The following CYP3A7 variants were observed in gnomAD, a reference collection of about 807,000 sequenced individuals.
CYP3A7 encodes cytochrome P450 family 3 subfamily A member 7.
A neutral mutation model predicts 55.2 loss-of-function variants in CYP3A7; 45 were observed. That is an observed-to-expected ratio of 0.82 (90% CI 0.64 to 1.05). CYP3A7 has a LOEUF of 1.05. CYP3A7 is among the 50% of genes least tolerant of loss of function. The pLI, the probability that CYP3A7 is intolerant of heterozygous loss-of-function variation, is 0.00. For synonymous variants in CYP3A7, 180 were observed against 207.4 expected (o/e 0.87, Z 1.13); for missense variants, 548 against 605.3 (o/e 0.91, Z 0.99).
intron 10 of CYP3A7, 99 bp downstream of exon 10, chr7:99,710,633 T>C (rs1192755602): frequency 6.3e-6 from 10 of 1,590,374 alleles, no homozygotes; most frequent in Non-Finnish European, 8.6e-6. Flanking sequence ...GAAACAATCA[T>C]GATTATGCTT....
chr7:99,712,900 G>T (rs1813809354), intron 9 of CYP3A7, among the ~76,000 whole-genome samples: 1 of 152,058 alleles, frequency 6.6e-6, no homozygotes, highest in Non-Finnish European at 1.5e-5. Flanking sequence ...GAAGACAAAG[G>T]ATATTTACAC....
chr7:99,728,224 C>T (rs373616054), intron 2 of CYP3A7, among the ~76,000 whole-genome samples: 22 of 152,304 alleles, frequency 1.4e-4, no homozygotes, highest in African/African-American at 5.3e-4. Flanking sequence ...ATTTCATGAC[C>T]TCTTCCATGT....
At chr7:99,719,200 C>G (rs1022146295) in intron 4 of CYP3A7, among the ~76,000 whole-genome samples, 7 of 152,118 alleles carry the variant, frequency 4.6e-5, no homozygotes, top group Admixed American at 3.9e-4. Flanking sequence ...TAAAACAAAT[C>G]TAAAAAAATA....
At chr7:99,731,692 G>A (rs1281929944) in intron 1 of CYP3A7, among the ~76,000 whole-genome samples, 1 of 152,170 alleles carries the variant, frequency 6.6e-6, no homozygotes, top group South Asian at 2.1e-4. Flanking sequence ...TCTAAGCTCT[G>A]ACCCTGTTTT....
chr7:99,713,506 A>C lies in CYP3A7; in HGVS notation c.828T>G (p.Ile276Met). The C allele has an allele frequency of 6.2e-7, 1 of 1,613,508 alleles. No homozygotes were observed. Among genetic ancestry groups the C allele is most frequent in the Non-Finnish European group, 8.5e-7 (1 of 1,179,558 alleles). Residue 276 changes from isoleucine (I) to methionine (M), a missense_variant, in exon 9 of 13, where the codon ATT becomes ATG. By Grantham distance (10) the Ile-to-Met change is conservative. Transcript: ENST00000336374. ...KHRVDFLQLMIDSQNSKDSET... is the reference protein window; with the variant it reads ...KHRVDFLQLMMDSQNSKDSET... The stretch of plus-strand genomic sequence containing the variant: ...CAGAGTCTTTTGAATTCTGAGAGTC[A>C]ATCATCAGCTGAAGGAAATCCACTC...
chr7:99,727,270 G>T (rs2151529522), intron 2 of CYP3A7, among the ~76,000 whole-genome samples: 1 of 152,266 alleles, frequency 6.6e-6, no homozygotes, highest in African/African-American at 2.4e-5. Context: ...GTTTTAGGCT[G>T]GTCATCATGT....
Position 99,714,616 on chromosome 7 carries a change from A to G in CYP3A7, c.737T>C (p.Ile246Thr). ...TTTTACAGATTTTGTTAGAAAACTT[A>G]TAACTTTTCTTGGAAACACAGTGAT... is the stretch of plus-strand genomic sequence containing the variant. ...LNITVFPRKV[I>T]SFLTKSVKQI... The change falls in exon 8 of 13, where the codon ATA becomes ACA. Residue 246 changes from isoleucine (I) to threonine (T), a missense_variant. Physicochemically the swap from Ile to Thr is moderately conservative, Grantham distance 89. Coordinates refer to ENST00000336374, the MANE Select transcript of CYP3A7 (RefSeq NM_000765.5). The G allele has an allele frequency of 3.1e-6, 5 of 1,613,290 alleles. No individual in the cohort carries two copies. Among genetic ancestry groups the G allele is most frequent in the Non-Finnish European group, 4.2e-6 (5 of 1,179,570 alleles).
In CYP3A7 at chr7:99,705,417, G is replaced by T. The variant is rs1468819815; in HGVS notation, c.*83C>A. On this transcript the variant is annotated 3_prime_UTR_variant, in exon 13 of 13. Transcript: ENST00000336374. ...GGATGAAGCCCGTCTTCATTTCAGG[G>T]TTCTATTTGTAAAGTAATTTGAGGT... 2 of 1,466,470 alleles carry T rather than the reference G, an allele frequency of 1.4e-6. No individual in the cohort carries two copies. Among genetic ancestry groups the T allele is most frequent in the Non-Finnish European group, 1.9e-6 (2 of 1,050,594 alleles). The allele number at this position is 1,466,470 out of a possible 1,614,324, so 90.8% of individuals were successfully genotyped here.
intron 10 of CYP3A7, among the ~76,000 whole-genome samples, chr7:99,709,772 A>ATGTG (rs1428672470): frequency 7.5e-4 from 46 of 61,470 alleles, no homozygotes; most frequent in East Asian, 1.2e-3. Context: ...TGTATTATAT[A>ATGTG]TATGTGTGTG....
chr7:99,719,158 T>G lies in CYP3A7; in HGVS notation c.318+1155A>C, dbSNP rs1247472776. 3.9e-5 allele frequency among the ~76,000 whole-genome samples: 6 copies of G among 152,158 alleles called. No individual in the cohort carries two copies. The East Asian group carries it at 1.2e-3, about 29-fold the overall frequency. On this transcript the variant is annotated intron_variant, in intron 4 of 12. Coordinates refer to ENST00000336374, the MANE Select transcript of CYP3A7 (RefSeq NM_000765.5). ...TAGACACTGAGAGACTCATTCTGAA[T>G]TTTTATGGAAAAGCAGAGGACCAGG...
chr7:99,715,556 T>C (rs1270313878), intron 7 of CYP3A7: 2 of 880,022 alleles, frequency 2.3e-6, no homozygotes, highest in Non-Finnish European at 3.4e-6. Context: ...GGCAGGGGGT[T>C]GATAGCTAAA....
Position 99,715,826 on chromosome 7 carries a change from T to A in CYP3A7, c.602A>T (p.Asp201Val). 6.2e-7 allele frequency: 1 copy of A among 1,613,862 alleles called. No homozygotes were observed. Among genetic ancestry groups the A allele is most frequent in the South Asian group, 1.1e-5 (1 of 91,076 alleles). ...VSIDSLNNPQ[D>V]PFVENTKKLL... ...CTTCTTGGTGTTTTCCACAAAGGGG[T>A]CTTGTGGATTGTTGAGAGAGTCGAT... Residue 201 changes from aspartate to valine, a missense_variant, in exon 7 of 13, where the codon GAC becomes GTC. Physicochemically the swap from Asp to Val is radical, Grantham distance 152. Transcript: ENST00000336374.
intron 9 of CYP3A7, among the ~76,000 whole-genome samples, chr7:99,713,003 A>G (rs188584399): frequency 2.0e-4 from 31 of 152,318 alleles, no homozygotes; most frequent in Admixed American, 1.3e-3. Context: ...TTTCACCAAA[A>G]ATTGCCAGTT....
At chr7:99,714,286 G>C (rs1300532701) in intron 8 of CYP3A7, among the ~76,000 whole-genome samples, 1 of 152,102 alleles carries the variant, frequency 6.6e-6, no homozygotes, top group Non-Finnish European at 1.5e-5. Context: ...CTGTGATAAG[G>C]TTTTATCTGA....
In CYP3A7 at chr7:99,715,747, A is replaced by C. The variant is rs768005611; in HGVS notation, c.670+11T>G. 3.7e-6 allele frequency: 6 copies of C among 1,613,568 alleles called. No homozygotes were observed. On this transcript the variant is annotated intron_variant, in intron 7 of 12. Coordinates refer to ENST00000336374, the MANE Select transcript of CYP3A7 (RefSeq NM_000765.5). ...AGAGAGGGAGAGAAAAGGAAATAGT[A>C]GTCCACATACTTATTGAGAGAACGA...
At position 99,729,770 on chromosome 7, in the gene CYP3A7, C is replaced by T. The variant is rs977294663; in HGVS notation, c.165+1289G>A. 1.4e-4 allele frequency among the ~76,000 whole-genome samples: 21 copies of T among 152,162 alleles called. 1 individual carries two copies. Among genetic ancestry groups the T allele is most frequent in the Non-Finnish European group, 4.4e-5 (3 of 68,018 alleles). ...GCTGACAATGGATAACCACCTTTAA[C>T]TGTAACTTTCCACTGCTTACCCCAC... On this transcript the variant is annotated intron_variant, in intron 2 of 12. Transcript: ENST00000336374.
In CYP3A7 at chr7:99,709,272, A is replaced by G; in HGVS notation, c.1027-11T>C. 6.2e-7 allele frequency: 1 copy of G among 1,613,216 alleles called. No homozygotes were observed. The highest frequency in any genetic ancestry group is 1.1e-5 in the South Asian group (1 of 91,000). On this transcript the variant is annotated splice_polypyrimidine_tract_variant and intron_variant, in intron 10 of 12. Coordinates refer to ENST00000336374, the MANE Select transcript of CYP3A7 (RefSeq NM_000765.5). ...ATAGGTGGGTGGTGCCTGAAAAGAA[A>G]GAAACAGATTTGGATAAATTGAGAT...
Position 99,732,306 on chromosome 7 carries a change from G to A in CYP3A7, c.72-1154C>T, listed in dbSNP as rs1052102788. ...GTAAATTTCCTGAGGGCACCCTAGC[G>A]GCAGAAGTCGCTATGCTTCCTGTAG... On this transcript the variant is annotated intron_variant, in intron 1 of 12. Transcript: ENST00000336374. Among the ~76,000 whole-genome samples, 4 of 152,116 alleles carry A rather than the reference G, an allele frequency of 2.6e-5. No individual in the cohort carries two copies. The East Asian group carries it at 7.7e-4, about 29-fold the overall frequency.
chr7:99,708,051 T>C (rs1234303743), intron 11 of CYP3A7, 77 bp from the exon 12 acceptor site: 1 of 1,600,878 alleles, frequency 6.2e-7, no homozygotes, highest in Non-Finnish European at 8.6e-7. Context: ...GTTTCTTACT[T>C]AGGGCCCACC....
Sources: gnomAD v4.1 joint callset for allele counts (sites outside exome capture counted in the v4.1 genomes callset) on GRCh38, gnomAD v4.1.1 for gene constraint, MANE v1.5 for transcripts, NCBI Gene and HGNC (gene_info 2026-07-23, HGNC 2026-07-21) for gene names.